PCDHA5: variants seen among roughly 807,000 people sequenced by gnomAD.
The protein encoded by PCDHA5 is protocadherin alpha-5.
In PCDHA5, 43 loss-of-function variants were observed where a neutral mutation model predicts 61.6. That is an observed-to-expected ratio of 0.70 (90% CI 0.55 to 0.90). The LOEUF (loss-of-function observed/expected upper bound fraction) is 0.90, where lower values mean the gene tolerates loss of function less well. PCDHA5 is among the 40% of genes least tolerant of loss of function. The pLI is 0.00. For missense variants in PCDHA5, 1,298 were observed against 1,222.7 expected (o/e 1.06, Z -0.92); for synonymous variants, 627 against 543.9 (o/e 1.15, Z -2.13).
At chr5:140,907,872 G>A (rs1473403839) in intron 1 of PCDHA5, among the ~76,000 whole-genome samples, 1 of 152,208 alleles carries the variant, frequency 6.6e-6, no homozygotes, top group Non-Finnish European at 1.5e-5. Flanking sequence ...CCGTTGGTGA[G>A]CACTCACATG....
intron 1 of PCDHA5, among the ~76,000 whole-genome samples, chr5:140,923,800 T>C (rs1235494729): frequency 2.0e-5 from 3 of 152,178 alleles, no homozygotes; most frequent in Non-Finnish European, 4.4e-5. Flanking sequence ...TTTTCACAAA[T>C]GAAATCTTCT....
At chr5:140,834,683 G>C (rs2150224219) in intron 1 of PCDHA5, 51 of 1,614,138 alleles carry the variant, frequency 3.2e-5, no homozygotes, top group Non-Finnish European at 4.1e-5. Context: ...GGCGGAGCGC[G>C]GAGTGCAGCA....
chr5:140,843,177 G>C lies in PCDHA5; in HGVS notation c.2352+19050G>C. ...CTGCAGCCAGCTGCAAGCAGCCCTC[G>C]CATCCCGTTCCGCGTGGGGCTGTAC... On this transcript the variant is annotated intron_variant, in intron 1 of 3. Transcript: ENST00000529859. 3.1e-6 allele frequency: 5 copies of C among 1,596,056 alleles called. 2 individuals are homozygous for C. Among genetic ancestry groups the C allele is most frequent in the Non-Finnish European group, 4.3e-6 (5 of 1,165,590 alleles).
intron 1 of PCDHA5, chr5:140,842,575 G>T (rs782407336): frequency 1.3e-6 from 2 of 1,509,128 alleles, no homozygotes; most frequent in East Asian, 4.6e-5. Flanking sequence ...GCGAGAGAGT[G>T]TCGGCCTATG....
intron 1 of PCDHA5, chr5:140,926,624 G>A (rs2083414676): frequency 5.0e-6 from 2 of 400,148 alleles, no homozygotes; most frequent in Admixed American, 8.6e-5. Context: ...CCTAGGCGGC[G>A]CTGCGCTCCT....
chr5:140,979,053 T>A (rs1429544807), intron 2 of PCDHA5, 46 bp downstream of exon 2: 3 of 1,610,104 alleles, frequency 1.9e-6, no homozygotes, highest in Admixed American at 3.4e-5. Context: ...CTTAACTTGG[T>A]ATGGCTCAGA....
chr5:140,902,421 A>G (rs1187358402), intron 1 of PCDHA5, among the ~76,000 whole-genome samples: 4 of 152,076 alleles, frequency 2.6e-5, no homozygotes, highest in Non-Finnish European at 5.9e-5. Context: ...AACAGTGGTG[A>G]AAGTGGGCAT....
intron 1 of PCDHA5, chr5:140,966,888 C>T: frequency 1.9e-6 from 3 of 1,593,128 alleles, no homozygotes; most frequent in Non-Finnish European, 2.6e-6. Flanking sequence ...GGCCCTGCGG[C>T]CTCCCAGCTG....
intron 1 of PCDHA5, chr5:140,836,297 T>A: frequency 1.2e-6 from 2 of 1,613,694 alleles, no homozygotes; most frequent in Non-Finnish European, 1.7e-6. Context: ...GAGCCCTAGA[T>A]GAGACGGACG....
chr5:140,828,352 T>C (rs1222673665), intron 1 of PCDHA5: 1 of 1,614,116 alleles, frequency 6.2e-7, no homozygotes, highest in African/African-American at 1.3e-5. Flanking sequence ...TGTTTGTGAA[T>C]TCTCGGATCG....
rs77488964 is a variant in PCDHA5, at chr5:140,929,006, C to T, written c.2353-49943C>T. The T allele has an allele frequency of 3.2e-3, 5,179 of 1,614,048 alleles. 25 individuals carry two copies. Among genetic ancestry groups the T allele is most frequent in the African/African-American group, 0.019 (1,447 of 75,028 alleles). ...GGGTGCTTACTTTTCTTCGTGTGTA[C>T]CAAGTTGCACCAGAGCCCAGGCTGT... is the stretch of plus-strand genomic sequence containing the variant. On this transcript the variant is annotated intron_variant, in intron 1 of 3. Coordinates refer to ENST00000529859, the MANE Select transcript of PCDHA5 (RefSeq NM_018908.3).
At chr5:140,926,923 T>G in intron 1 of PCDHA5, 1 of 1,571,554 alleles carries the variant, frequency 6.4e-7, no homozygotes. Flanking sequence ...AGTTTTATGT[T>G]TGTGGGTTTC....
chr5:140,880,309 A>G (rs2058299906), intron 1 of PCDHA5, among the ~76,000 whole-genome samples: 1 of 152,236 alleles, frequency 6.6e-6, no homozygotes. Flanking sequence ...TGAAAGAAAC[A>G]AGTAAAAAAT....
intron 1 of PCDHA5, chr5:140,881,920 T>G (rs1205220705): frequency 1.2e-5 from 3 of 257,650 alleles, no homozygotes; most frequent in African/African-American, 6.6e-5. Flanking sequence ...TTGAGCAGAA[T>G]GCAGTGATTT....
At chr5:140,960,436 G>C (rs2095548378) in intron 1 of PCDHA5, among the ~76,000 whole-genome samples, 1 of 152,180 alleles carries the variant, frequency 6.6e-6, no homozygotes. Context: ...TGATACTCTA[G>C]ATATATGTAT....
chr5:140,838,277 C>A (rs1372363386), intron 1 of PCDHA5, among the ~76,000 whole-genome samples: 1 of 74,748 alleles, frequency 1.3e-5, no homozygotes, highest in South Asian at 4.1e-4. Context: ...CCAAGCCATG[C>A]TAATTTTTTT....
At chr5:140,877,332 C>G (rs2057040352) in intron 1 of PCDHA5, 16 of 1,613,990 alleles carry the variant, frequency 9.9e-6, no homozygotes, top group Non-Finnish European at 1.4e-5. Flanking sequence ...GCGCGCACAT[C>G]CCGTTCCACG....
intron 3 of PCDHA5, among the ~76,000 whole-genome samples, chr5:140,997,797 C>A (rs2097786104): frequency 6.6e-6 from 1 of 151,944 alleles, no homozygotes; most frequent in Non-Finnish European, 1.5e-5. Context: ...TATAATTTAT[C>A]CAATTTGCTG....
At chr5:140,979,169 A>T (rs2096837685) in intron 2 of PCDHA5, 162 bp downstream of exon 2, 1 of 966,312 alleles carries the variant, frequency 1.0e-6, no homozygotes, top group Admixed American at 6.2e-5. Context: ...TCCTTGAAAG[A>T]TCGCAAATGG....
Sources: allele counts gnomAD v4.1 joint callset (sites outside exome capture counted in the v4.1 genomes callset), GRCh38; gene constraint gnomAD v4.1.1; transcripts MANE v1.5; gene names NCBI Gene and HGNC (gene_info 2026-07-23, HGNC 2026-07-21).